The following RGL1 variants were observed in gnomAD, a reference collection of about 807,000 sequenced individuals.
RGL1 encodes the protein ral guanine nucleotide dissociation stimulator like 1.
RGL1 carries 24 observed loss-of-function variants against 95.2 expected under a neutral mutation model. The observed-to-expected ratio is 0.25, with a 90% CI of 0.18 to 0.35. RGL1 has a LOEUF of 0.35. RGL1 is among the 10% of genes least tolerant of loss of function. RGL1 has a pLI of 1.00. For missense variants in RGL1, 715 were observed against 936.3 expected (o/e 0.76, Z 3.08); for synonymous variants, 329 against 344.9 (o/e 0.95, Z 0.51).
At chr1:183,749,160 A>T (rs964964083) in intron 2 of RGL1, among the ~76,000 whole-genome samples, 2 of 152,158 alleles carry the variant, frequency 1.3e-5, no homozygotes, top group African/African-American at 4.8e-5. Context: ...GCTGAGTTCA[A>T]GTCCTGAATA....
intron 1 of RGL1, among the ~76,000 whole-genome samples, chr1:183,688,505 C>A (rs1419648970): frequency 6.6e-6 from 1 of 151,952 alleles, no homozygotes; most frequent in African/African-American, 2.4e-5. Context: ...TCTTTAAAAG[C>A]AATTACAGGC....
In RGL1 at chr1:183,884,899, G is replaced by C; in HGVS notation, c.912G>C (p.Gln304His). Reference sequence around the variant, plus strand: ...GGGGCAAAGAACTCAAAACTCAGCAGAGAGCCAAAATCATTGAGAAGTGGA... The same window carrying C: ...GGGGCAAAGAACTCAAAACTCAGCACAGAGCCAAAATCATTGAGAAGTGGA... ...ILGGKELKTQQRAKIIEKWIN... is the reference protein window; with the variant it reads ...ILGGKELKTQHRAKIIEKWIN... The change falls in exon 7 of 18, where the codon CAG (glutamine) becomes CAC (histidine). Residue 304 changes from glutamine (Q) to histidine (H), a missense_variant. Transcript: ENST00000360851. The C allele has an allele frequency of 6.2e-7, 1 of 1,614,120 alleles. No individual in the cohort carries two copies. The highest frequency in any genetic ancestry group is 1.1e-5 in the South Asian group (1 of 91,080).
chr1:183,910,795 T>A (rs1271056567), intron 14 of RGL1, among the ~76,000 whole-genome samples: 2 of 152,244 alleles, frequency 1.3e-5, no homozygotes, highest in Non-Finnish European at 2.9e-5. Context: ...TTTTTCAAAT[T>A]ATCTTCTTCC....
At chr1:183,793,898 G>A (rs1311155560) in intron 2 of RGL1, among the ~76,000 whole-genome samples, 2 of 152,072 alleles carry the variant, frequency 1.3e-5, no homozygotes, top group Non-Finnish European at 1.5e-5. Context: ...TCACTACTGG[G>A]TATTTATCCA....
intron 1 of RGL1, among the ~76,000 whole-genome samples, chr1:183,702,045 A>G (rs1212990969): frequency 2.0e-5 from 3 of 152,234 alleles, no homozygotes; most frequent in South Asian, 2.1e-4. Flanking sequence ...AACTCTAGGT[A>G]TGTCAACTCT....
chr1:183,691,654 G>A (rs906053254), intron 1 of RGL1, among the ~76,000 whole-genome samples: 5 of 152,170 alleles, frequency 3.3e-5, no homozygotes, highest in Non-Finnish European at 7.3e-5. Context: ...AAAGAAGATA[G>A]TAATGTTGAG....
intron 1 of RGL1, among the ~76,000 whole-genome samples, chr1:183,718,690 G>T (rs1417418244): frequency 6.6e-6 from 1 of 152,010 alleles, no homozygotes; most frequent in Admixed American, 6.6e-5. Context: ...GCTGAGGTGG[G>T]TGGATCACAA....
intron 1 of RGL1, among the ~76,000 whole-genome samples, chr1:183,639,326 G>A (rs949495742): frequency 5.3e-5 from 8 of 151,132 alleles, no homozygotes; most frequent in Non-Finnish European, 1.2e-4. Flanking sequence ...CCTGCAACGT[G>A]ACATTATTTA....
intron 2 of RGL1, among the ~76,000 whole-genome samples, chr1:183,749,644 T>A (rs563636313): frequency 5.3e-5 from 8 of 152,336 alleles, no homozygotes; most frequent in Non-Finnish European, 2.9e-5. Flanking sequence ...TGATGCGGTT[T>A]CTCCATAGTG....
At chr1:183,911,785 CT>C (rs1220506191) in intron 14 of RGL1, among the ~76,000 whole-genome samples, 1 of 152,136 alleles carries the variant, frequency 6.6e-6, no homozygotes, top group East Asian at 1.9e-4. Context: ...CTGATGGTAT[CT>C]TGATCCTGCC....
intron 2 of RGL1, among the ~76,000 whole-genome samples, chr1:183,835,492 T>C (rs577148926): frequency 6.6e-6 from 1 of 152,328 alleles, no homozygotes; most frequent in South Asian, 2.1e-4. Context: ...AGCCAGCTTC[T>C]CCTGGCTTTC....
chr1:183,885,430 T>C (rs1433936378), intron 7 of RGL1, among the ~76,000 whole-genome samples: 1 of 152,230 alleles, frequency 6.6e-6, no homozygotes, highest in Non-Finnish European at 1.5e-5. Context: ...TCTAAAGGAC[T>C]GAGACACTTA....
At chr1:183,702,860 G>A (rs574585761) in intron 1 of RGL1, among the ~76,000 whole-genome samples, 1 of 152,342 alleles carries the variant, frequency 6.6e-6, no homozygotes, top group Admixed American at 6.5e-5. Flanking sequence ...TTTAATGTGT[G>A]CCTGGGTGCA....
intron 1 of RGL1, among the ~76,000 whole-genome samples, chr1:183,689,051 T>C (rs1653787265): frequency 6.6e-6 from 1 of 152,158 alleles, no homozygotes; most frequent in Non-Finnish European, 1.5e-5. Flanking sequence ...ATCATTAAAA[T>C]TAAAATTGTA....
chr1:183,829,468 T>A (rs1663107190), intron 2 of RGL1, among the ~76,000 whole-genome samples: 1 of 151,560 alleles, frequency 6.6e-6, no homozygotes. Context: ...TAGATCGTGA[T>A]CAACATTTAG....
intron 1 of RGL1, among the ~76,000 whole-genome samples, chr1:183,732,392 C>G (rs1029520151): frequency 6.6e-6 from 1 of 152,162 alleles, no homozygotes; most frequent in Non-Finnish European, 1.5e-5. Flanking sequence ...TCTTTCCCCC[C>G]AGACAGATGT....
At chr1:183,766,625 G>A (rs955663906) in intron 2 of RGL1, among the ~76,000 whole-genome samples, 4 of 151,994 alleles carry the variant, frequency 2.6e-5, no homozygotes, top group Admixed American at 1.3e-4. Flanking sequence ...ACAAAATATT[G>A]TACTATTTCT....
At chr1:183,728,053 G>T (rs1490750558) in intron 1 of RGL1, among the ~76,000 whole-genome samples, 4 of 152,116 alleles carry the variant, frequency 2.6e-5, no homozygotes, top group Non-Finnish European at 5.9e-5. Context: ...AATTCATTGG[G>T]AGCCTGAATA....
In RGL1 at chr1:183,779,179, C is replaced by CCTTCCTTCCTTCCTTCCTTG. The variant is rs1173621134; in HGVS notation, c.133-27177_133-27176insGCTTCCTTCCTTCCTTCCTT. ...TTTTCCCTTCCTTCCTTCCTTCCTT[C>CCTTCCTTCCTTCCTTCCTTG]CTTCCTTCCTTCCTTCCTTCCTTCC... On this transcript the variant is annotated intron_variant, in intron 2 of 18. Transcript: ENST00000304685. Among the ~76,000 whole-genome samples, 202 of 124,068 alleles carry CCTTCCTTCCTTCCTTCCTTG rather than the reference C, an allele frequency of 1.6e-3. 2 individuals carry two copies. The highest frequency in any genetic ancestry group is 2.7e-3 in the Non-Finnish European group (155 of 58,490). The allele number at this position is 124,068 out of a possible 152,430, so 81.4% of individuals were successfully genotyped here. A position where few individuals can be genotyped will look rare whatever the true frequency, so the allele number is the denominator to read the frequency against.
Sources: gnomAD v4.1 joint callset for allele counts (sites outside exome capture counted in the v4.1 genomes callset) on GRCh38, gnomAD v4.1.1 for gene constraint, MANE v1.5 for transcripts, NCBI Gene and HGNC (gene_info 2026-07-23, HGNC 2026-07-21) for gene names.